KCNG2: variants seen among roughly 807,000 people sequenced by gnomAD.
KCNG2 encodes voltage-gated potassium channel regulatory subunit KCNG2.
Under a neutral mutation model 12.3 loss-of-function variants are expected in KCNG2, and 7 were observed. The ratio of observed to expected loss-of-function variants is 0.57; its 90% confidence interval spans 0.32 to 1.07. The LOEUF (loss-of-function observed/expected upper bound fraction) is 1.07, where lower values mean the gene tolerates loss of function less well. Ranked by LOEUF, KCNG2 falls within the 50% of genes least tolerant of loss-of-function variation. KCNG2 has a pLI of 0.04. For synonymous variants in KCNG2, 414 were observed against 351.4 expected (o/e 1.18, Z -1.99); for missense variants, 703 against 726.0 (o/e 0.97, Z 0.36).
rs556569046 is a variant in KCNG2 at position 79,885,173 on chromosome 18, C to G, written c.625-13867C>G. Among the ~76,000 whole-genome samples, 65 of 152,254 alleles carry G rather than the reference C, an allele frequency of 4.3e-4. 1 individual carries two copies. The highest frequency in any genetic ancestry group is 1.4e-3 in the African/African-American group (60 of 41,530). ...CAGAGTCTGAAGGTGCCCGCCCAGC[C>G]AGGGCACGCAGGAGCCGGCCCTGGC... On this transcript the variant is annotated intron_variant, in intron 3 of 3. Transcript: ENST00000316249.
intron 1 of KCNG2, among the ~76,000 whole-genome samples, chr18:79,833,160 G>C (rs768633517): frequency 6.6e-6 from 1 of 151,798 alleles, no homozygotes; most frequent in East Asian, 1.9e-4. Flanking sequence ...TTTTGAGATG[G>C]TGTCTCACTC....
intron 1 of KCNG2, among the ~76,000 whole-genome samples, chr18:79,834,713 C>T (rs1179687004): frequency 6.6e-6 from 1 of 152,222 alleles, no homozygotes; most frequent in Non-Finnish European, 1.5e-5. Context: ...GTCTAGCAGA[C>T]ATGCAAGCCC....
intron 1 of KCNG2, among the ~76,000 whole-genome samples, chr18:79,851,172 CA>C (rs1225227266): frequency 6.6e-6 from 1 of 150,866 alleles, no homozygotes; most frequent in East Asian, 1.9e-4. Context: ...ATATACAAGA[CA>C]AAAAAAAAGA....
chr18:79,893,387 G>A (rs1446436587), intron 3 of KCNG2, among the ~76,000 whole-genome samples: 1 of 26,378 alleles, frequency 3.8e-5, no homozygotes, highest in African/African-American at 4.4e-5. Context: ...GCTTTTGATT[G>A]GGTTCTTCAT....
chr18:79,855,768 T>G (rs945520872), intron 1 of KCNG2, among the ~76,000 whole-genome samples: 2 of 152,144 alleles, frequency 1.3e-5, no homozygotes, highest in Admixed American at 6.5e-5. Flanking sequence ...CGTTCACCTC[T>G]GTCGTCACTG....
intron 1 of KCNG2, among the ~76,000 whole-genome samples, chr18:79,823,390 G>A (rs774910897): frequency 1.8e-4 from 28 of 152,262 alleles, no homozygotes; most frequent in East Asian, 5.8e-4. Context: ...TTAGCCAGCC[G>A]GATGTTGCCA....
intron 1 of KCNG2, among the ~76,000 whole-genome samples, chr18:79,842,455 T>A (rs1195517464): frequency 6.6e-6 from 1 of 152,202 alleles, no homozygotes; most frequent in African/African-American, 2.4e-5. Context: ...GGATCATGAA[T>A]AATCAGGGAA....
chr18:79,812,324 G>C (rs941643289), intron 1 of KCNG2, among the ~76,000 whole-genome samples: 3 of 152,110 alleles, frequency 2.0e-5, no homozygotes, highest in African/African-American at 7.2e-5. Context: ...GATTAGAAGA[G>C]ACAAAAGGTC....
At chr18:79,838,523 A>G (rs1342056037) in intron 1 of KCNG2, among the ~76,000 whole-genome samples, 10 of 152,026 alleles carry the variant, frequency 6.6e-5, no homozygotes, top group Non-Finnish European at 2.9e-5. Context: ...CAGTCCTTCA[A>G]CCTCAGCCTC....
At chr18:79,891,382 C>T (rs911443695) in intron 3 of KCNG2, among the ~76,000 whole-genome samples, 3 of 152,098 alleles carry the variant, frequency 2.0e-5, no homozygotes, top group Non-Finnish European at 4.4e-5. Flanking sequence ...AGGCATGAAC[C>T]ACCACACCCA....
At chr18:79,807,329 C>A (rs1302376991) in intron 1 of KCNG2, among the ~76,000 whole-genome samples, 1 of 152,124 alleles carries the variant, frequency 6.6e-6, no homozygotes, top group Non-Finnish European at 1.5e-5. Context: ...AACCTCACGC[C>A]CTCCTCACCT....
intron 1 of KCNG2, among the ~76,000 whole-genome samples, chr18:79,839,828 G>A (rs1978406969): frequency 6.6e-6 from 1 of 152,212 alleles, no homozygotes; most frequent in Non-Finnish European, 1.5e-5. Flanking sequence ...AGATGATTCA[G>A]TATTTAAATT....
chr18:79,827,018 A>G (rs1978286687), intron 1 of KCNG2, among the ~76,000 whole-genome samples: 1 of 152,244 alleles, frequency 6.6e-6, no homozygotes, highest in African/African-American at 2.4e-5. Context: ...CAGGACGCTG[A>G]GCTTTGCTGC....
At position 79,803,797 on chromosome 18, in the gene KCNG2, G is replaced by A. The variant is rs2087429121; in HGVS notation, c.-115+5783G>A. On this transcript the variant is annotated intron_variant, in intron 1 of 3. Transcript: ENST00000316249. The surrounding 1 kb of genome is among the most constrained non-coding windows in gnomAD (Gnocchi z 4.5). ...TCCCGGCCAAGGTTCCAGGATGCCA[G>A]CAGGTGCCTGAGACTGGGCTGCCTC... 6.6e-6 allele frequency among the ~76,000 whole-genome samples: 1 copy of A among 152,216 alleles called. No individual in the cohort carries two copies. Among genetic ancestry groups the A allele is most frequent in the East Asian group, 1.9e-4 (1 of 5,188 alleles).
At chr18:79,801,240 T>A (rs549169829) in intron 1 of KCNG2, among the ~76,000 whole-genome samples, 1 of 152,348 alleles carries the variant, frequency 6.6e-6, no homozygotes, top group East Asian at 1.9e-4. Context: ...CTAATTGAAA[T>A]GTAATATAAA....
chr18:79,816,935 A>G (rs542605526), intron 1 of KCNG2, among the ~76,000 whole-genome samples: 1 of 152,330 alleles, frequency 6.6e-6, no homozygotes, highest in South Asian at 2.1e-4. Context: ...GTCCCTTTAC[A>G]TGGCCTGAAA....
chr18:79,841,556 C>G (rs1395225392), intron 1 of KCNG2, among the ~76,000 whole-genome samples: 1 of 152,128 alleles, frequency 6.6e-6, no homozygotes, highest in African/African-American at 2.4e-5. Flanking sequence ...CAAAACTCAA[C>G]AGCAAAATAA....
chr18:79,855,181 T>C (rs60054443), intron 1 of KCNG2, among the ~76,000 whole-genome samples: 1 of 152,286 alleles, frequency 6.6e-6, no homozygotes, highest in African/African-American at 2.4e-5. Flanking sequence ...TGTTGCTGTG[T>C]GTGGTTTGTC....
rs139739926 is a variant in KCNG2, at chr18:79,805,687, C to T, written c.-115+7673C>T. ...CCCTGCAGGGCTGCAGCCTCTTCAC[C>T]TGACGGCCTCATCCACCATGTGTGG... is the stretch of plus-strand genomic sequence containing the variant. On this transcript the variant is annotated intron_variant, in intron 1 of 3. Coordinates refer to ENST00000316249, the MANE Select transcript of KCNG2 (RefSeq NM_012283.2). 1.6e-3 allele frequency among the ~76,000 whole-genome samples: 250 copies of T among 152,338 alleles called. 1 individual carries two copies. Among genetic ancestry groups the T allele is most frequent in the African/African-American group, 5.8e-3 (242 of 41,568 alleles).
Sources: allele counts gnomAD v4.1 joint callset (sites outside exome capture counted in the v4.1 genomes callset), GRCh38; gene constraint gnomAD v4.1.1; non-coding constraint Gnocchi (gnomAD v3.1); transcripts MANE v1.5; gene names NCBI Gene and HGNC (gene_info 2026-07-23, HGNC 2026-07-21).